Variants in XYLB observed in about 807,000 individuals in gnomAD.
XYLB encodes xylulokinase, also known as xylulose kinase.
A neutral mutation model predicts 78.7 loss-of-function variants in XYLB; 62 were observed. The observed-to-expected ratio is 0.79, with a 90% CI of 0.64 to 0.97. The LOEUF (loss-of-function observed/expected upper bound fraction) is 0.97, where lower values mean the gene tolerates loss of function less well. Ranked by LOEUF, XYLB falls within the 50% of genes least tolerant of loss-of-function variation. The pLI, the probability that XYLB is intolerant of heterozygous loss-of-function variation, is 0.00. For missense variants in XYLB, 687 were observed against 676.8 expected, an observed-to-expected ratio of 1.02 and a Z score of -0.17; for synonymous variants, 245 against 247.4, an observed-to-expected ratio of 0.99 and a Z score of 0.09.
chr3:38,447,470 A>ATTTT, the XYLB span, among the ~76,000 whole-genome samples: 45 of 124,938 alleles, frequency 3.6e-4, no homozygotes, highest in African/African-American at 9.7e-4. Flanking sequence ...CATCTGGCTA[A>ATTTT]TTTTTTTTTT....
At chr3:38,391,314 C>T (rs879869548) in intron 15 of XYLB, among the ~76,000 whole-genome samples, 15 of 152,172 alleles carry the variant, frequency 9.9e-5, no homozygotes, top group Non-Finnish European at 2.1e-4. Context: ...TCATCTTCCC[C>T]TCATCCCTGC....
Position 38,372,650 on chromosome 3 carries a change from C to T in XYLB, c.766-5C>T. ...GAGCACCTTTGCTTTGTCCCCGTCC[C>T]TCAGGGAGCCATTTCTTCCTACTAC... On this transcript the variant is annotated splice_region_variant and splice_polypyrimidine_tract_variant and intron_variant, in intron 9 of 18. Coordinates refer to ENST00000207870, the MANE Select transcript of XYLB (RefSeq NM_005108.4). 1 of 1,614,122 alleles carries T rather than the reference C, an allele frequency of 6.2e-7. No individual in the cohort carries two copies. Among genetic ancestry groups the T allele is most frequent in the South Asian group, 1.1e-5 (1 of 91,076 alleles).
rs1708666163 is a variant in XYLB at position 38,413,123 on chromosome 3, TAC to T, written c.*111_*112del. 7 of 1,099,482 alleles carry T rather than the reference TAC, an allele frequency of 6.4e-6. No homozygotes were observed. The highest frequency in any genetic ancestry group is 2.1e-4 in the Middle Eastern group (1 of 4,802). 68.1% of individuals were successfully genotyped at this position (1,099,482 alleles called of 1,614,324 possible). A position where few individuals can be genotyped will look rare whatever the true frequency, so the allele number is the denominator to read the frequency against. Reference sequence around the variant, plus strand: ...TGTTCTGAACAGCTCTTCCTGCCCCTACTGACTCCTTGGAGTGTCCAGGACCA... The same window carrying T: ...TGTTCTGAACAGCTCTTCCTGCCCCTTGACTCCTTGGAGTGTCCAGGACCA... On this transcript the variant is annotated 3_prime_UTR_variant, in exon 19 of 19. Coordinates refer to ENST00000207870, the MANE Select transcript of XYLB (RefSeq NM_005108.4).
At chr3:38,372,286 A>G (rs1265640898) in intron 9 of XYLB, 2 of 529,402 alleles carry the variant, frequency 3.8e-6, no homozygotes, top group East Asian at 1.5e-4. Flanking sequence ...TGCTCCCATG[A>G]GTTTGCTTAC....
chr3:38,354,898 A>G (rs1045670941), intron 2 of XYLB, among the ~76,000 whole-genome samples: 1 of 152,236 alleles, frequency 6.6e-6, no homozygotes, highest in East Asian at 1.9e-4. Context: ...GTCTAAGCAC[A>G]CGTTATGACT....
chr3:38,372,953 T>C (rs1706653059), intron 10 of XYLB, among the ~76,000 whole-genome samples: 1 of 152,182 alleles, frequency 6.6e-6, no homozygotes, highest in East Asian at 1.9e-4. Flanking sequence ...TCCTTGTACC[T>C]GCCCCATCTT....
Position 38,346,886 on chromosome 3 carries a change from T to C in XYLB, c.18T>C (p.Pro6=). 1 of 1,519,742 alleles carries C rather than the reference T, an allele frequency of 6.6e-7. No individual in the cohort carries two copies. The highest frequency in any genetic ancestry group is 8.8e-7 in the Non-Finnish European group (1 of 1,136,622). The allele number at this position is 1,519,742 out of a possible 1,614,324, so 94.1% of individuals were successfully genotyped here. A position where few individuals can be genotyped will look rare whatever the true frequency, so the allele number is the denominator to read the frequency against. The part of the protein sequence containing the change: MAEHA[P]RRCCLGWDFS... ...GAAAGGCCATGGCGGAGCACGCCCC[T>C]CGCCGCTGCTGCCTGGGCTGGGACT... The change falls in exon 1 of 19, where the codon CCT becomes CCC. Residue 6 remains proline, a synonymous_variant. Coordinates refer to ENST00000207870, the MANE Select transcript of XYLB (RefSeq NM_005108.4).
chr3:38,415,314 T>G (rs1275104150), downstream of XYLB, among the ~76,000 whole-genome samples: 1 of 152,190 alleles, frequency 6.6e-6, no homozygotes, highest in Non-Finnish European at 1.5e-5. Context: ...ACTATTATAC[T>G]CACAACTTCT....
chr3:38,358,649 G>A (rs1705808676), intron 2 of XYLB, among the ~76,000 whole-genome samples: 1 of 152,084 alleles, frequency 6.6e-6, no homozygotes, highest in South Asian at 2.1e-4. Context: ...CAGCCGAAAT[G>A]CCAGTTTTAA....
chr3:38,404,196 A>C (rs1282356162), intron 18 of XYLB, among the ~76,000 whole-genome samples: 1 of 152,186 alleles, frequency 6.6e-6, no homozygotes, highest in Non-Finnish European at 1.5e-5. Flanking sequence ...GGACAACCTT[A>C]GGCCCCTCGC....
chr3:38,404,209 G>A (rs1439316272), intron 18 of XYLB, among the ~76,000 whole-genome samples: 1 of 152,184 alleles, frequency 6.6e-6, no homozygotes, highest in African/African-American at 2.4e-5. Flanking sequence ...CCCCTCGCCT[G>A]TGGGCCTCTT....
chr3:38,449,386 G>A, the XYLB span, among the ~76,000 whole-genome samples: 1 of 152,172 alleles, frequency 6.6e-6, no homozygotes. Context: ...CTCCCAAAGT[G>A]CTCAGATTAC....
In XYLB at chr3:38,397,057, CTG is replaced by C; in HGVS notation, c.1351-11_1351-10del. On this transcript the variant is annotated splice_polypyrimidine_tract_variant and intron_variant, in intron 16 of 18. Coordinates refer to ENST00000207870, the MANE Select transcript of XYLB (RefSeq NM_005108.4). Reference sequence around the variant, plus strand: ...GGAATGGCTCACCACAGTAGAACCTCTGTGTCCTTTTCAGGTGCTTGCAGATG... The same window carrying C: ...GGAATGGCTCACCACAGTAGAACCTCTGTCCTTTTCAGGTGCTTGCAGATG... 2 of 1,614,020 alleles carry C rather than the reference CTG, an allele frequency of 1.2e-6. No individual in the cohort carries two copies. The highest frequency in any genetic ancestry group is 1.7e-6 in the Non-Finnish European group (2 of 1,179,874).
the XYLB span, among the ~76,000 whole-genome samples, chr3:38,440,891 T>C: frequency 6.6e-6 from 1 of 151,990 alleles, no homozygotes; most frequent in Non-Finnish European, 1.5e-5. Flanking sequence ...TCTCACTCCC[T>C]TTTTGTCTCT....
At chr3:38,399,823 C>G (rs1708047954) in intron 17 of XYLB, among the ~76,000 whole-genome samples, 1 of 152,204 alleles carries the variant, frequency 6.6e-6, no homozygotes, top group Admixed American at 6.5e-5. Flanking sequence ...AGTCCCTACC[C>G]AGAGGGATAC....
chr3:38,444,218 T>C, the XYLB span, among the ~76,000 whole-genome samples: 4 of 152,194 alleles, frequency 2.6e-5, no homozygotes, highest in Admixed American at 1.3e-4. Flanking sequence ...TCTACCTTAA[T>C]CTGCTTTAAA....
the XYLB span, among the ~76,000 whole-genome samples, chr3:38,450,800 C>A: frequency 6.6e-6 from 1 of 152,142 alleles, no homozygotes; most frequent in Non-Finnish European, 1.5e-5. Flanking sequence ...ATTCAGAGGA[C>A]CAGTTAAGCT....
chr3:38,352,814 T>TA (rs113005663), intron 2 of XYLB, among the ~76,000 whole-genome samples: 5,188 of 144,726 alleles, frequency 0.036, 122 homozygotes, highest in African/African-American at 0.065. Flanking sequence ...GTCTAAAAAG[T>TA]AAAAAAAAAA....
chr3:38,447,693 A>G, the XYLB span, among the ~76,000 whole-genome samples: 1 of 152,140 alleles, frequency 6.6e-6, no homozygotes, highest in Non-Finnish European at 1.5e-5. Context: ...CCGTATAGAG[A>G]GTTCTCTAAA....
Sources: allele counts gnomAD v4.1 joint callset (sites outside exome capture counted in the v4.1 genomes callset), GRCh38; gene constraint gnomAD v4.1.1; transcripts MANE v1.5; gene names NCBI Gene and HGNC (gene_info 2026-07-23, HGNC 2026-07-21).